Variants in EYA2 observed in about 807,000 individuals in gnomAD.
EYA2 encodes the protein protein phosphatase EYA2.
In EYA2, 31 loss-of-function variants were observed where a neutral mutation model predicts 69.2. The ratio of observed to expected loss-of-function variants is 0.45; its 90% CI spans 0.34 to 0.60. EYA2 has a LOEUF of 0.60. Ranked by LOEUF, EYA2 falls within the 20% of genes least tolerant of loss-of-function variation. EYA2 has a pLI of 0.02. For missense variants in EYA2, 622 were observed against 701.2 expected (o/e 0.89, Z 1.28); for synonymous variants, 257 against 279.4 (o/e 0.92, Z 0.80).
intron 12 of EYA2, among the ~76,000 whole-genome samples, 197 bp downstream of exon 12, chr20:47,173,064 G>A (rs3746490): frequency 0.38 from 56,952 of 151,768 alleles, 11,957 homozygotes; most frequent in Non-Finnish European, 0.48. Flanking sequence ...GGAAAGCTGA[G>A]GGACGGAGGC....
At chr20:47,032,401 T>C (rs978279181) in intron 5 of EYA2, among the ~76,000 whole-genome samples, 3 of 152,240 alleles carry the variant, frequency 2.0e-5, no homozygotes, top group African/African-American at 7.2e-5. Flanking sequence ...TTATTTTTCA[T>C]ACATTTATTT....
intron 5 of EYA2, among the ~76,000 whole-genome samples, chr20:47,031,637 C>G (rs1984422483): frequency 6.6e-6 from 1 of 152,128 alleles, no homozygotes; most frequent in Non-Finnish European, 1.5e-5. Context: ...GAATGAAGGC[C>G]CAGAGCACGG....
intron 4 of EYA2, among the ~76,000 whole-genome samples, chr20:47,015,352 T>C (rs1487386078): frequency 6.6e-6 from 1 of 152,254 alleles, no homozygotes; most frequent in Non-Finnish European, 1.5e-5. Flanking sequence ...TTAGTACCTA[T>C]GCTTTAGGTA....
At chr20:46,964,464 T>C (rs1979659182) in intron 1 of EYA2, among the ~76,000 whole-genome samples, 1 of 152,150 alleles carries the variant, frequency 6.6e-6, no homozygotes, top group African/African-American at 2.4e-5. Context: ...GTTGAAGGGA[T>C]GCACGTGTCT....
At chr20:47,084,178 G>A (rs765923620) in intron 7 of EYA2, among the ~76,000 whole-genome samples, 29 of 152,112 alleles carry the variant, frequency 1.9e-4, no homozygotes, top group South Asian at 1.2e-3. Context: ...CCCAGGAGGC[G>A]GAGGTTGCAG....
chr20:47,111,083 C>G (rs1275181562), intron 9 of EYA2, among the ~76,000 whole-genome samples: 2 of 152,136 alleles, frequency 1.3e-5, no homozygotes, highest in Non-Finnish European at 2.9e-5. Flanking sequence ...AGGCATTTTC[C>G]CATTGACTCT....
At chr20:47,107,843 A>G (rs2032637719) in intron 9 of EYA2, among the ~76,000 whole-genome samples, 1 of 152,124 alleles carries the variant, frequency 6.6e-6, no homozygotes, top group South Asian at 2.1e-4. Flanking sequence ...AGAAATAATA[A>G]TCCAGAGAAA....
chr20:46,907,580 C>G (rs926325881), intron 1 of EYA2, among the ~76,000 whole-genome samples: 1 of 152,174 alleles, frequency 6.6e-6, no homozygotes, highest in South Asian at 2.1e-4. Flanking sequence ...GGCTCACACC[C>G]GTAACCCCAG....
At chr20:46,927,971 A>G (rs1323237235) in intron 1 of EYA2, among the ~76,000 whole-genome samples, 2 of 152,166 alleles carry the variant, frequency 1.3e-5, no homozygotes, top group East Asian at 1.9e-4. Flanking sequence ...ATCACAAACA[A>G]TAATAACAGA....
chr20:47,011,617 C>T (rs1409502516), intron 4 of EYA2, among the ~76,000 whole-genome samples: 1 of 146,948 alleles, frequency 6.8e-6, no homozygotes, highest in African/African-American at 2.5e-5. Context: ...TTCCCTCTGC[C>T]TGGACAGGTA....
At chr20:47,069,694 A>G (rs999260741) in intron 5 of EYA2, among the ~76,000 whole-genome samples, 1 of 152,172 alleles carries the variant, frequency 6.6e-6, no homozygotes, top group Non-Finnish European at 1.5e-5. Flanking sequence ...TTTCATACTT[A>G]TATCAAAACA....
chr20:47,160,655 A>G (rs1048216173), intron 10 of EYA2, among the ~76,000 whole-genome samples: 1 of 152,196 alleles, frequency 6.6e-6, no homozygotes, highest in African/African-American at 2.4e-5. Flanking sequence ...TGTTGGGAAC[A>G]TAGAAGGTGA....
intron 10 of EYA2, chr20:47,166,960 A>G (rs1376156794): frequency 6.5e-6 from 1 of 154,288 alleles, no homozygotes; most frequent in Non-Finnish European, 1.5e-5. Flanking sequence ...CCATCAACAT[A>G]TTATCATGTC....
chr20:47,018,736 C>T (rs1243335041), intron 5 of EYA2, among the ~76,000 whole-genome samples: 1 of 152,240 alleles, frequency 6.6e-6, no homozygotes, highest in African/African-American at 2.4e-5. Context: ...TTTCTTCTTA[C>T]AGCAACCGCG....
At chr20:47,079,246 AATT>A (rs1437617641) in intron 7 of EYA2, among the ~76,000 whole-genome samples, 1 of 152,222 alleles carries the variant, frequency 6.6e-6, no homozygotes, top group Non-Finnish European at 1.5e-5. Flanking sequence ...TGCTGTAACA[AATT>A]ATTATGACCT....
chr20:46,991,279 C>T (rs1475667040), intron 2 of EYA2, among the ~76,000 whole-genome samples: 1 of 152,242 alleles, frequency 6.6e-6, no homozygotes, highest in East Asian at 1.9e-4. Context: ...ACATAGGCTG[C>T]TCAGGGGGGA....
chr20:47,072,282 T>A (rs758782809), intron 6 of EYA2, 30 bp downstream of exon 6: 2 of 1,588,874 alleles, frequency 1.3e-6, no homozygotes, highest in Non-Finnish European at 1.7e-6. Flanking sequence ...GATTCTTTCC[T>A]CAGTTCTTTC....
chr20:47,120,588 G>C (rs190501738), intron 9 of EYA2, among the ~76,000 whole-genome samples: 1 of 152,042 alleles, frequency 6.6e-6, no homozygotes, highest in Non-Finnish European at 1.5e-5. Context: ...GAATCCTGCC[G>C]GGTGATGTGA....
intron 9 of EYA2, among the ~76,000 whole-genome samples, chr20:47,130,971 C>T (rs1244850758): frequency 1.3e-5 from 2 of 151,340 alleles, no homozygotes; most frequent in Non-Finnish European, 3.0e-5. Context: ...TGCCTGTAAT[C>T]CCAGCTACTC....
Sources: allele counts gnomAD v4.1 joint callset (sites outside exome capture counted in the v4.1 genomes callset), GRCh38; gene constraint gnomAD v4.1.1; transcripts MANE v1.5; gene names NCBI Gene and HGNC (gene_info 2026-07-23, HGNC 2026-07-21).